LRRTM4: variants seen among roughly 807,000 people sequenced by gnomAD.
LRRTM4 encodes the protein leucine-rich repeat transmembrane neuronal protein 4.
In LRRTM4, 25 loss-of-function variants were observed where a neutral mutation model predicts 47.6. That is an observed-to-expected ratio of 0.53 (90% CI 0.38 to 0.73). The LOEUF (loss-of-function observed/expected upper bound fraction) is 0.73. LRRTM4 is among the 30% of genes least tolerant of loss of function. LRRTM4 has a pLI of 0.00. For missense variants in LRRTM4, 638 were observed against 713.4 expected (o/e 0.89, Z 1.20); for synonymous variants, 311 against 269.5 (o/e 1.15, Z -1.51).
intron 3 of LRRTM4, among the ~76,000 whole-genome samples, chr2:76,954,735 T>C (rs142124155): frequency 8.4e-4 from 128 of 151,850 alleles, no homozygotes; most frequent in African/African-American, 2.8e-3. Flanking sequence ...CACGCTGATA[T>C]ACGCGATAAT....
chr2:77,521,626 G>T, intron 2 of LRRTM4, 42 bp downstream of exon 2: 3 of 1,610,958 alleles, frequency 1.9e-6, no homozygotes, highest in Non-Finnish European at 2.5e-6. Flanking sequence ...GAAGCCAAGA[G>T]GATCAGCTTT....
At chr2:77,016,413 A>G (rs1678073504) in intron 3 of LRRTM4, among the ~76,000 whole-genome samples, 1 of 151,694 alleles carries the variant, frequency 6.6e-6, no homozygotes, top group Admixed American at 6.6e-5. Flanking sequence ...GTGAGGAAGA[A>G]GATGGGCAAA....
intron 3 of LRRTM4, among the ~76,000 whole-genome samples, chr2:77,220,521 G>T (rs954279609): frequency 2.0e-5 from 3 of 152,166 alleles, no homozygotes; most frequent in African/African-American, 7.2e-5. Context: ...GGACCTGTTG[G>T]AGCTGAAAAC....
intron 3 of LRRTM4, among the ~76,000 whole-genome samples, chr2:76,865,413 G>C (rs896959133): frequency 1.3e-5 from 2 of 152,078 alleles, no homozygotes; most frequent in African/African-American, 4.8e-5. Flanking sequence ...TAGCTCAATG[G>C]CTATTTTTGA....
chr2:77,302,798 T>A (rs1353482713), intron 3 of LRRTM4, among the ~76,000 whole-genome samples: 1 of 152,150 alleles, frequency 6.6e-6, no homozygotes, highest in African/African-American at 2.4e-5. Flanking sequence ...TGTGGGAACT[T>A]CTATCAGTGA....
intron 3 of LRRTM4, among the ~76,000 whole-genome samples, chr2:77,415,987 T>C (rs553126428): frequency 2.4e-4 from 36 of 152,130 alleles, no homozygotes; most frequent in Non-Finnish European, 4.6e-4. Flanking sequence ...CAAAATCCTA[T>C]GTAGTAAGTC....
intron 3 of LRRTM4, among the ~76,000 whole-genome samples, chr2:77,255,800 C>T (rs868038517): frequency 1.3e-5 from 2 of 152,088 alleles, no homozygotes; most frequent in African/African-American, 4.8e-5. Context: ...TAGCATTAAA[C>T]AATTTATAGC....
At chr2:77,433,384 T>C (rs111969726) in intron 3 of LRRTM4, among the ~76,000 whole-genome samples, 1,924 of 151,976 alleles carry the variant, frequency 0.013, 55 homozygotes, top group African/African-American at 0.044. Context: ...AAAAAAGAAG[T>C]GGGAAAGGTC....
intron 3 of LRRTM4, among the ~76,000 whole-genome samples, chr2:77,035,797 T>C (rs1678816415): frequency 6.6e-6 from 1 of 151,784 alleles, no homozygotes; most frequent in Non-Finnish European, 1.5e-5. Flanking sequence ...GCATGTGAGT[T>C]GATTTTCATT....
chr2:76,870,144 G>A (rs1433341122), intron 3 of LRRTM4, among the ~76,000 whole-genome samples: 2 of 152,144 alleles, frequency 1.3e-5, no homozygotes, highest in African/African-American at 2.4e-5. Context: ...CAGAAAGACA[G>A]ATGATCTTTT....
intron 3 of LRRTM4, among the ~76,000 whole-genome samples, chr2:77,342,858 A>G (rs62160536): frequency 0.5 from 76,262 of 151,534 alleles, 22,639 homozygotes; most frequent in Non-Finnish European, 0.67. Context: ...GTTCAAACTG[A>G]GGACTCTATG....
intron 3 of LRRTM4, among the ~76,000 whole-genome samples, chr2:76,822,717 C>T (rs17405053): frequency 0.41 from 61,917 of 151,106 alleles, 13,277 homozygotes; most frequent in East Asian, 0.68. Context: ...AAGATCAAGC[C>T]ACTCAGAAGT....
intron 3 of LRRTM4, among the ~76,000 whole-genome samples, chr2:76,999,453 A>C (rs111823376): frequency 0.016 from 2,426 of 151,978 alleles, 65 homozygotes; most frequent in African/African-American, 0.056. Context: ...ACAAAACAAA[A>C]AAAAAAAGCG....
chr2:77,331,384 T>A (rs1339459680), intron 3 of LRRTM4, among the ~76,000 whole-genome samples: 1 of 152,100 alleles, frequency 6.6e-6, no homozygotes, highest in Non-Finnish European at 1.5e-5. Flanking sequence ...CCAAGCAGTG[T>A]TGCTGGGGTA....
chr2:76,976,336 A>G (rs1676417035), intron 3 of LRRTM4, among the ~76,000 whole-genome samples: 1 of 151,792 alleles, frequency 6.6e-6, no homozygotes, highest in Non-Finnish European at 1.5e-5. Context: ...ATCTGTGGAA[A>G]GCAAAACATA....
At chr2:76,882,735 A>T (rs1672967226) in intron 3 of LRRTM4, among the ~76,000 whole-genome samples, 1 of 152,024 alleles carries the variant, frequency 6.6e-6, no homozygotes, top group Admixed American at 6.6e-5. Flanking sequence ...AGGGTTCTAA[A>T]TGAAACATTC....
intron 3 of LRRTM4, among the ~76,000 whole-genome samples, chr2:77,458,280 G>C (rs1479109163): frequency 6.6e-6 from 1 of 152,116 alleles, no homozygotes; most frequent in African/African-American, 2.4e-5. Context: ...TGCCAGCATG[G>C]AGTAACAAGG....
intron 3 of LRRTM4, among the ~76,000 whole-genome samples, chr2:77,246,782 C>A (rs1020810414): frequency 1.3e-5 from 2 of 151,804 alleles, no homozygotes; most frequent in East Asian, 3.9e-4. Flanking sequence ...AATAATATGC[C>A]TATATATGCA....
chr2:76,816,631 T>C (rs1367442768), intron 3 of LRRTM4, among the ~76,000 whole-genome samples: 2 of 151,788 alleles, frequency 1.3e-5, no homozygotes, highest in Non-Finnish European at 2.9e-5. Context: ...TCAGCCACTA[T>C]TACATATTTT....
Sources: allele counts gnomAD v4.1 joint callset (sites outside exome capture counted in the v4.1 genomes callset), GRCh38; gene constraint gnomAD v4.1.1; transcripts MANE v1.5; gene names NCBI Gene and HGNC (gene_info 2026-07-23, HGNC 2026-07-21).